The following MAPT variants were observed in gnomAD, a reference collection of about 807,000 sequenced individuals.
MAPT encodes microtubule associated protein tau, also known as microtubule-associated protein tau.
MAPT carries 34 observed loss-of-function variants against 67.9 expected under a neutral mutation model. That is an observed-to-expected ratio of 0.50 (90% confidence interval 0.38 to 0.67). The LOEUF is 0.67. MAPT is among the 30% of genes least tolerant of loss of function. The pLI, the probability that MAPT is intolerant of heterozygous loss-of-function variation, is 0.00. For synonymous variants in MAPT, 456 were observed against 464.5 expected, an observed-to-expected ratio of 0.98 and a Z score of 0.23; for missense variants, 881 against 1,115.2, an observed-to-expected ratio of 0.79 and a Z score of 2.99.
chr17:45,999,655 T>C lies in MAPT; in HGVS notation c.1998+2991T>C, dbSNP rs188345683. On this transcript the variant is annotated intron_variant, in intron 9 of 12. Coordinates refer to ENST00000262410, the MANE Select transcript of MAPT (RefSeq NM_001377265.1). ...GAGGGGTGAGAGTCAGGCGACCTCA[T>C]GCCAAGTGTAGAAAGGGGCAGATGG... is the stretch of plus-strand genomic sequence containing the variant. 55 of 1,603,428 alleles carry C rather than the reference T, an allele frequency of 3.4e-5. No individual in the cohort carries two copies. The East Asian group carries it at 1.2e-3, about 35-fold the overall frequency.
chr17:45,998,523 G>A (rs2145861449), intron 9 of MAPT, among the ~76,000 whole-genome samples: 1 of 152,244 alleles, frequency 6.6e-6, no homozygotes, highest in East Asian at 1.9e-4. Context: ...CAGGAGGGAG[G>A]GAAGGAAGAG....
At chr17:46,000,146 C>T (rs906729953) in intron 9 of MAPT, among the ~76,000 whole-genome samples, 1 of 152,136 alleles carries the variant, frequency 6.6e-6, no homozygotes, top group Non-Finnish European at 1.5e-5. Context: ...TCAACCGTGC[C>T]GGAACAGATG....
chr17:45,912,916 A>G (rs2064901037), intron 1 of MAPT, among the ~76,000 whole-genome samples: 1 of 152,178 alleles, frequency 6.6e-6, no homozygotes, highest in Non-Finnish European at 1.5e-5. Context: ...CACCGAACCA[A>G]TTTGAACTGT....
At chr17:45,977,712 A>G (rs1267405670) in intron 3 of MAPT, 1 of 152,492 alleles carries the variant, frequency 6.6e-6, no homozygotes, top group East Asian at 1.9e-4. Context: ...CCTCTTACCA[A>G]GTAGCACCCG....
intron 1 of MAPT, among the ~76,000 whole-genome samples, chr17:45,944,448 TG>T (rs913881509): frequency 5.9e-5 from 9 of 152,092 alleles, no homozygotes; most frequent in African/African-American, 2.2e-4. Context: ...GGAGAGGGGT[TG>T]GGGGCGAGTG....
intron 1 of MAPT, among the ~76,000 whole-genome samples, chr17:45,936,194 G>A (rs534214927): frequency 6.6e-6 from 1 of 152,326 alleles, no homozygotes; most frequent in Non-Finnish European, 1.5e-5. Flanking sequence ...ATATCCAAGG[G>A]CATGGCCCAC....
chr17:45,938,767 C>T (rs2067587875), intron 1 of MAPT, among the ~76,000 whole-genome samples: 1 of 151,738 alleles, frequency 6.6e-6, no homozygotes, highest in Non-Finnish European at 1.5e-5. Flanking sequence ...CCTCAGCTTC[C>T]CTAGTAGCTG....
chr17:45,911,882 G>A (rs1019303057), intron 1 of MAPT, among the ~76,000 whole-genome samples: 5 of 152,232 alleles, frequency 3.3e-5, no homozygotes, highest in Admixed American at 2.6e-4. Flanking sequence ...CTGGAGGGTG[G>A]AGGGGAACAG....
chr17:45,936,586 G>A (rs1454742847), intron 1 of MAPT, among the ~76,000 whole-genome samples: 1 of 148,400 alleles, frequency 6.7e-6, no homozygotes, highest in Non-Finnish European at 1.5e-5. Context: ...CTATCACTTG[G>A]GAGTCTAGTT....
At chr17:45,963,953 G>C (rs2070742972) in intron 2 of MAPT, among the ~76,000 whole-genome samples, 1 of 152,184 alleles carries the variant, frequency 6.6e-6, no homozygotes, top group Non-Finnish European at 1.5e-5. Flanking sequence ...GGTGAAGGAA[G>C]ACATGGGCGT....
Position 45,971,378 on chromosome 17 carries a change from A to T in MAPT, c.134-481A>T, listed in dbSNP as rs961964742. Among the ~76,000 whole-genome samples, 1 of 152,152 alleles carries T rather than the reference A, an allele frequency of 6.6e-6. No individual in the cohort carries two copies. The highest frequency in any genetic ancestry group is 2.4e-5 in the African/African-American group (1 of 41,432). On this transcript the variant is annotated intron_variant, in intron 2 of 12. Transcript: ENST00000262410. The surrounding 1 kb of genome is among the most constrained non-coding windows in gnomAD (Gnocchi z 4.3). ...GCTTGGTGGCGTCCAAACACCACCC[A>T]ATGTCCACTTAGAAGTAAGCACCGT... is the stretch of plus-strand genomic sequence containing the variant.
chr17:45,959,584 G>A (rs1312469553), intron 1 of MAPT, among the ~76,000 whole-genome samples: 1 of 152,072 alleles, frequency 6.6e-6, no homozygotes, highest in Admixed American at 6.6e-5. Context: ...GAGGCAGGCA[G>A]ATCACCTGAG....
chr17:45,919,184 G>A (rs2065464269), intron 1 of MAPT, among the ~76,000 whole-genome samples: 3 of 152,108 alleles, frequency 2.0e-5, no homozygotes, highest in South Asian at 2.1e-4. Context: ...GACCCTGCCT[G>A]TTGCTGCAGC....
In MAPT at chr17:46,027,459, T is replaced by G. The variant is rs2076857834; in HGVS notation, c.*3288T>G. On this transcript the variant is annotated 3_prime_UTR_variant, in exon 13 of 13. Transcript: ENST00000262410. The stretch of plus-strand genomic sequence containing the variant: ...CTGTATGCCGGCTCCTTCAAGCTGC[T>G]GACTCACTTTATCAATAGTTCCATT... 1 of 152,512 alleles carries G rather than the reference T, an allele frequency of 6.6e-6. No individual in the cohort carries two copies. Among genetic ancestry groups the G allele is most frequent in the African/African-American group, 2.4e-5 (1 of 41,460 alleles). The allele number at this position is 152,512 out of a possible 1,614,324, so 9.4% of individuals were successfully genotyped here. A position where few individuals can be genotyped will look rare whatever the true frequency, so the allele number is the denominator to read the frequency against.
intron 1 of MAPT, among the ~76,000 whole-genome samples, chr17:45,932,766 C>T (rs1436461207): frequency 6.6e-6 from 1 of 152,176 alleles, no homozygotes; most frequent in East Asian, 1.9e-4. Flanking sequence ...CTTACTAACA[C>T]TGAGATCGCA....
At position 45,983,210 on chromosome 17, in the gene MAPT, T is replaced by C; in HGVS notation, c.631T>C (p.Phe211Leu). The C allele has an allele frequency of 1.2e-6, 2 of 1,608,222 alleles. No homozygotes were observed. The highest frequency in any genetic ancestry group is 1.3e-5 in the African/African-American group (1 of 74,908). The change falls in exon 5 of 13, where the codon TTC becomes CTC. Residue 211 changes from phenylalanine to leucine, a missense_variant. Phe to Leu is a conservative substitution (Grantham distance 22). Coordinates refer to ENST00000262410, the MANE Select transcript of MAPT (RefSeq NM_001377265.1). ...PESGKVVQEG[F>L]LREPGPPGLS... Reference sequence around the variant, plus strand: ...AAGTGGTAAGGTGGTCCAGGAAGGCTTCCTCCGAGAGCCAGGCCCCCCAGG... The same window carrying C: ...AAGTGGTAAGGTGGTCCAGGAAGGCCTCCTCCGAGAGCCAGGCCCCCCAGG...
At chr17:45,985,464 G>T (rs905176867) in intron 5 of MAPT, among the ~76,000 whole-genome samples, 1 of 152,130 alleles carries the variant, frequency 6.6e-6, no homozygotes, top group Non-Finnish European at 1.5e-5. Context: ...AGGTTCATAG[G>T]TGTGTTTGGA....
At chr17:45,948,999 T>A (rs965880193) in intron 1 of MAPT, among the ~76,000 whole-genome samples, 4 of 152,366 alleles carry the variant, frequency 2.6e-5, no homozygotes, top group African/African-American at 9.6e-5. Flanking sequence ...TTGTTTGTTT[T>A]TAACGATAGC....
At chr17:46,018,147 GAA>G (rs34759303) in intron 11 of MAPT, among the ~76,000 whole-genome samples, 36 of 117,778 alleles carry the variant, frequency 3.1e-4, no homozygotes, top group East Asian at 1.6e-3. Context: ...TCTGTCTCAA[GAA>G]AAAAAAAAAA....
Sources: allele counts gnomAD v4.1 joint callset (sites outside exome capture counted in the v4.1 genomes callset), GRCh38; gene constraint gnomAD v4.1.1; non-coding constraint Gnocchi (gnomAD v3.1); transcripts MANE v1.5; gene names NCBI Gene and HGNC (gene_info 2026-07-23, HGNC 2026-07-21).